The following IGFALS variants were observed in gnomAD, a reference collection of about 807,000 sequenced individuals.
IGFALS encodes insulin like growth factor binding protein acid labile subunit, also known as insulin-like growth factor-binding protein complex acid labile subunit.
A neutral mutation model predicts 2.6 loss-of-function variants in IGFALS; 2 were observed. The ratio of observed to expected loss-of-function variants is 0.77; its 90% CI spans 0.32 to 2.44. The LOEUF (loss-of-function observed/expected upper bound fraction) is 2.44, where lower values mean the gene tolerates loss of function less well. Among genes scored for constraint, IGFALS ranks in the 30% most tolerant of loss-of-function variants. The pLI, the probability that IGFALS is intolerant of heterozygous loss-of-function variation, is 0.11. For synonymous variants in IGFALS, 519 were observed against 431.9 expected (o/e 1.20, Z -2.50); for missense variants, 996 against 848.7 (o/e 1.17, Z -2.16).
chr16:1,790,545 G>A lies in IGFALS; in HGVS notation c.*55C>T. On this transcript the variant is annotated 3_prime_UTR_variant, in exon 2 of 2. Coordinates refer to ENST00000215539, the MANE Select transcript of IGFALS (RefSeq NM_004970.3). ...TGAGGACACTGAGGACCTGTCCCCA[G>A]CACAAGGTGAGCCAGGTGGGGGCCT... 3.1e-5 allele frequency: 45 copies of A among 1,453,706 alleles called. No homozygotes were observed. Among genetic ancestry groups the A allele is most frequent in the Non-Finnish European group, 4.0e-5 (43 of 1,061,752 alleles). 90.1% of individuals were successfully genotyped at this position (1,453,706 alleles called of 1,614,324 possible).
upstream of IGFALS, among the ~76,000 whole-genome samples, chr16:1,794,369 G>A (rs377083265): frequency 3.3e-5 from 5 of 152,170 alleles, no homozygotes; most frequent in Admixed American, 6.5e-5. Flanking sequence ...TTTGCCCTGC[G>A]CCATCCTCGG....
rs753103491 is a variant in IGFALS at position 1,790,806 on chromosome 16, A to T, written c.1612T>A (p.Trp538Arg). 1.3e-6 allele frequency: 2 copies of T among 1,570,568 alleles called. No individual in the cohort carries two copies. The highest frequency in any genetic ancestry group is 1.7e-6 in the Non-Finnish European group (2 of 1,159,272). Residue 538 changes from tryptophan (W) to arginine (R), a missense_variant, in exon 2 of 2, where the codon TGG (tryptophan) becomes AGG (arginine). Physicochemically the swap from Trp to Arg is moderately radical, Grantham distance 101. Coordinates refer to ENST00000215539, the MANE Select transcript of IGFALS (RefSeq NM_004970.3). ...GCCTTGAGAGGGCAGCCACAGTCCC[A>T]GGGGTTACCCTCCAGCCACAGGCGC... is the stretch of plus-strand genomic sequence containing the variant. ...LERLWLEGNPWDCGCPLKALR... is the reference protein window; with the variant it reads ...LERLWLEGNPRDCGCPLKALR...
Position 1,790,940 on chromosome 16 carries a change from C to G in IGFALS, c.1478G>C (p.Arg493Pro), listed in dbSNP as rs200380381. 5.0e-6 allele frequency: 8 copies of G among 1,594,126 alleles called. No homozygotes were observed. In the South Asian group the frequency reaches 8.9e-5, roughly 18 times the overall value. The change falls in exon 2 of 2, where the codon CGC becomes CCC. Residue 493 changes from arginine to proline, a missense_variant. Physicochemically the swap from Arg to Pro is moderately radical, Grantham distance 103 (BLOSUM62 -2). Transcript: ENST00000215539. The part of the protein sequence containing the change: ...RAFWLDVSHN[R>P]LEALPNSLLA... The stretch of plus-strand genomic sequence containing the variant: ...GAGGCTGTTGGGCAATGCCTCCAGG[C>G]GGTTGTGCGAGACGTCCAGCCAGAA...
chr16:1,794,002 G>T (rs1376198810), upstream of IGFALS, among the ~76,000 whole-genome samples: 1 of 152,178 alleles, frequency 6.6e-6, no homozygotes, highest in Non-Finnish European at 1.5e-5. Context: ...GCCTGGGAGG[G>T]GCTGGGGCTT....
At position 1,791,888 on chromosome 16, in the gene IGFALS, A is replaced by T; in HGVS notation, c.530T>A (p.Leu177His). ...GAGCACCGCCAGGCTATTCCAGCCGAGGTTGAGGTCCCAGAGGCTGCCGAG... is the reference window on the plus strand; with the variant it reads ...GAGCACCGCCAGGCTATTCCAGCCGTGGTTGAGGTCCCAGAGGCTGCCGAG... ...EGLGSLWDLN[L>H]GWNSLAVLPD... Residue 177 changes from leucine to histidine, a missense_variant, in exon 2 of 2, where the codon CTC becomes CAC. Coordinates refer to ENST00000215539, the MANE Select transcript of IGFALS (RefSeq NM_004970.3). 6.4e-7 allele frequency: 1 copy of T among 1,566,526 alleles called. No individual in the cohort carries two copies. The highest frequency in any genetic ancestry group is 1.2e-5 in the South Asian group (1 of 85,912).
rs754088983 is a variant in IGFALS at position 1,792,292 on chromosome 16, C to T, written c.126G>A (p.Pro42=). ...TPGEAEGPAC[P]AACVCSYDDD... is the part of the protein sequence containing the mutation. ...CATCGTAGCTGCAGACACAGGCGGCCGGGCACGCTGGGCCCTCGGCTTCCC... is the reference window on the plus strand; with the variant it reads ...CATCGTAGCTGCAGACACAGGCGGCTGGGCACGCTGGGCCCTCGGCTTCCC... The change falls in exon 2 of 2, where the codon CCG becomes CCA. Residue 42 remains proline (P), a synonymous_variant. Coordinates refer to ENST00000215539, the MANE Select transcript of IGFALS (RefSeq NM_004970.3). The T allele has an allele frequency of 2.0e-5, 32 of 1,599,150 alleles. No homozygotes were observed. The highest frequency in any genetic ancestry group is 2.7e-5 in the African/African-American group (2 of 74,914).
At chr16:1,794,513 C>G (rs2142014479), upstream of IGFALS, among the ~76,000 whole-genome samples, 1 of 152,278 alleles carries the variant, frequency 6.6e-6, no homozygotes, top group Middle Eastern at 3.4e-3. Context: ...TGCAGAGAGG[C>G]CACAGGAATG....
chr16:1,794,055 C>A (rs966830813), upstream of IGFALS, among the ~76,000 whole-genome samples: 2 of 152,070 alleles, frequency 1.3e-5, no homozygotes, highest in Non-Finnish European at 2.9e-5. Context: ...GGTCCTGTTG[C>A]GGGCAGGGGG....
upstream of IGFALS, among the ~76,000 whole-genome samples, chr16:1,794,377 C>CGGGGAGTGTGT (rs1897291158): frequency 6.6e-6 from 1 of 152,164 alleles, no homozygotes; most frequent in Non-Finnish European, 1.5e-5. Flanking sequence ...GCGCCATCCT[C>CGGGGAGTGTGT]GGGGAGTGTG....
chr16:1,793,644 C>T lies in IGFALS; in HGVS notation c.9G>A (p.Leu3=), dbSNP rs770763928. 1 of 1,596,966 alleles carries T rather than the reference C, an allele frequency of 6.3e-7. No individual in the cohort carries two copies. Among genetic ancestry groups the T allele is most frequent in the Non-Finnish European group, 8.5e-7 (1 of 1,171,610 alleles). Residue 3 remains leucine, a synonymous_variant, in exon 1 of 2, where the codon CTG becomes CTA. Transcript: ENST00000215539. The part of the protein sequence containing the change: MA[L]RKGGLALALL... ...GGCACTCGGGGGCCTCACCTTTCCT[C>T]AGGGCCATCCTGCATGCAGGGCAGG...
Position 1,791,100 on chromosome 16 carries a change from C to T in IGFALS, c.1318G>A (p.Asp440Asn), listed in dbSNP as rs776840046. 8 of 1,600,546 alleles carry T rather than the reference C, an allele frequency of 5.0e-6. No homozygotes were observed. The East Asian group carries it at 1.3e-4, about 27-fold the overall frequency. ...TGCGTGAGCTGGTTGGAGGTCAGGT[C>T]GAGCTCCAGCAGCTCCGCCAGCCCC... ...LWGLAELLELDLTSNQLTHLP... is the reference protein window; with the variant it reads ...LWGLAELLELNLTSNQLTHLP... Residue 440 changes from aspartate to asparagine, a missense_variant, in exon 2 of 2, where the codon GAC (aspartate) becomes AAC (asparagine). Asp to Asn is a conservative substitution (Grantham distance 23, BLOSUM62 1). Coordinates refer to ENST00000215539, the MANE Select transcript of IGFALS (RefSeq NM_004970.3).
Position 1,790,765 on chromosome 16 carries a change from G to A in IGFALS, c.1653C>T (p.Ala551=). 6.3e-7 allele frequency: 1 copy of A among 1,595,318 alleles called. No individual in the cohort carries two copies. ...GGGGCACAGCACTGGGGTTCTGCAG[G>A]GCGAAGTCCCGCAGCGCCTTGAGAG... is the stretch of plus-strand genomic sequence containing the variant. ...GCPLKALRDF[A]LQNPSAVPRF... The change falls in exon 2 of 2, where the codon GCC becomes GCT. Residue 551 remains alanine, a synonymous_variant. Transcript: ENST00000215539.
At chr16:1,794,239 T>C (rs957686895), upstream of IGFALS, among the ~76,000 whole-genome samples, 15 of 152,300 alleles carry the variant, frequency 9.8e-5, no homozygotes, top group Non-Finnish European at 2.2e-4. Context: ...CCCACGGTGC[T>C]GTCCAGGGCC....
chr16:1,793,488 C>G (rs1001171858), intron 1 of IGFALS, 149 bp downstream of exon 1: 1 of 657,804 alleles, frequency 1.5e-6, no homozygotes, highest in African/African-American at 1.9e-5. Flanking sequence ...GCCGCATTTC[C>G]GACTGTGGGC....
rs371431357 is a variant in IGFALS at position 1,792,311 on chromosome 16, G to A, written c.107C>T (p.Ala36Val). Residue 36 changes from alanine (A) to valine (V), a missense_variant, in exon 2 of 2, where the codon GCC becomes GTC. Physicochemically the swap from Ala to Val is moderately conservative, Grantham distance 64. Transcript: ENST00000215539. ...GGCGGCCGGGCACGCTGGGCCCTCG[G>A]CTTCCCCCGGCGTTCCGGGGTCTGC... ...EGADPGTPGE[A>V]EGPACPAACV... The A allele has an allele frequency of 6.3e-7, 1 of 1,597,342 alleles. No homozygotes were observed. Among genetic ancestry groups the A allele is most frequent in the Non-Finnish European group, 8.5e-7 (1 of 1,178,602 alleles).
upstream of IGFALS, among the ~76,000 whole-genome samples, chr16:1,793,980 C>T (rs756962665): frequency 4.5e-4 from 68 of 152,260 alleles, no homozygotes; most frequent in Admixed American, 1.0e-3. Context: ...GGGGTGGGGA[C>T]CCCTTGCAGC....
Position 1,790,539 on chromosome 16 carries a change from T to G in IGFALS, c.*61A>C. On this transcript the variant is annotated 3_prime_UTR_variant, in exon 2 of 2. Transcript: ENST00000215539. The stretch of plus-strand genomic sequence containing the variant: ...GGCCCCTGAGGACACTGAGGACCTG[T>G]CCCCAGCACAAGGTGAGCCAGGTGG... The G allele has an allele frequency of 7.1e-7, 1 of 1,405,284 alleles. No individual in the cohort carries two copies. Among genetic ancestry groups the G allele is most frequent in the Non-Finnish European group, 9.8e-7 (1 of 1,018,312 alleles). The allele number at this position is 1,405,284 out of a possible 1,614,324, so 87.1% of individuals were successfully genotyped here.
rs35393265 is a variant in IGFALS, at chr16:1,790,959, G to A, written c.1459C>T (p.Leu487=). ...ALGPLQRAFW[L]DVSHNRLEAL... ...TCCAGGCGGTTGTGCGAGACGTCCA[G>A]CCAGAAGGCCCGCTGCAGGGGGCCC... Residue 487 remains leucine (L), a synonymous_variant, in exon 2 of 2, where the codon CTG becomes TTG. Transcript: ENST00000215539. The A allele has an allele frequency of 1.9e-6, 3 of 1,596,572 alleles. No homozygotes were observed. Among genetic ancestry groups the A allele is most frequent in the Non-Finnish European group, 2.5e-6 (3 of 1,178,902 alleles).
Position 1,791,297 on chromosome 16 carries a change from A to C in IGFALS, c.1121T>G (p.Leu374Arg). The C allele has an allele frequency of 6.2e-7, 1 of 1,609,066 alleles. No homozygotes were observed. The highest frequency in any genetic ancestry group is 8.5e-7 in the Non-Finnish European group (1 of 1,179,938). ...VAVMNLSGNC[L>R]RNLPEQVFRG... is the part of the protein sequence containing the mutation. Reference sequence around the variant, plus strand: ...GAACACCTGCTCCGGAAGGTTCCGGAGACAGTTCCCAGAGAGGTTCATGAC... The same window carrying C: ...GAACACCTGCTCCGGAAGGTTCCGGCGACAGTTCCCAGAGAGGTTCATGAC... The change falls in exon 2 of 2, where the codon CTC becomes CGC. Residue 374 changes from leucine (L) to arginine (R), a missense_variant. Coordinates refer to ENST00000215539, the MANE Select transcript of IGFALS (RefSeq NM_004970.3).
Sources: allele counts gnomAD v4.1 joint callset (sites outside exome capture counted in the v4.1 genomes callset), GRCh38; gene constraint gnomAD v4.1.1; transcripts MANE v1.5; gene names NCBI Gene and HGNC (gene_info 2026-07-23, HGNC 2026-07-21).